Variants in SLC19A3 observed in about 807,000 individuals in gnomAD.
SLC19A3 encodes the protein thiamine transporter 2.
SLC19A3 carries 31 observed loss-of-function variants against 40.2 expected under a neutral mutation model. The observed-to-expected ratio is 0.77, with a 90% CI of 0.58 to 1.04. The LOEUF (loss-of-function observed/expected upper bound fraction) is 1.04. Among genes scored for constraint, SLC19A3 ranks in the 50% least tolerant of loss-of-function variants. The pLI, the probability that SLC19A3 is intolerant of heterozygous loss-of-function variation, is 0.00. For synonymous variants in SLC19A3, 212 were observed against 227.5 expected (o/e 0.93, Z 0.61); for missense variants, 592 against 596.7 (o/e 0.99, Z 0.08).
chr2:227,717,923 G>T lies in SLC19A3; in HGVS notation c.-3+20C>A. 1.0e-6 allele frequency: 1 copy of T among 985,290 alleles called. No individual in the cohort carries two copies. Among genetic ancestry groups the T allele is most frequent in the Non-Finnish European group, 1.2e-6 (1 of 829,890 alleles). The allele number at this position is 985,290 out of a possible 1,614,324, so 61.0% of individuals were successfully genotyped here. A position where few individuals can be genotyped will look rare whatever the true frequency, so the allele number is the denominator to read the frequency against. Reference sequence around the variant, plus strand: ...ATGACGGTGCTTCTTCAATTAATTCGCCCCCCGAGATATTCTTACCTACAG... The same window carrying T: ...ATGACGGTGCTTCTTCAATTAATTCTCCCCCCGAGATATTCTTACCTACAG... On this transcript the variant is annotated intron_variant, in intron 1 of 5. Transcript: ENST00000644224.
chr2:227,707,737 AT>A (rs1177865000), intron 1 of SLC19A3, among the ~76,000 whole-genome samples: 57 of 151,708 alleles, frequency 3.8e-4, no homozygotes, highest in African/African-American at 1.2e-3. Context: ...CTCAATCTCT[AT>A]TTTTTTTGAG....
chr2:227,693,044 G>GAC (rs1367391251), intron 4 of SLC19A3, among the ~76,000 whole-genome samples: 4 of 151,826 alleles, frequency 2.6e-5, no homozygotes, highest in Non-Finnish European at 2.9e-5. Context: ...AATTGAAGAG[G>GAC]ACACACACAC....
At position 227,686,199 on chromosome 2, in the gene SLC19A3, A is replaced by G. The variant is rs1195406225; in HGVS notation, c.*1198T>C. 2 of 427,846 alleles carry G rather than the reference A, an allele frequency of 4.7e-6. No homozygotes were observed. The highest frequency in any genetic ancestry group is 3.4e-5 in the South Asian group (2 of 59,352). The allele number at this position is 427,846 out of a possible 1,614,324, so 26.5% of individuals were successfully genotyped here. On this transcript the variant is annotated 3_prime_UTR_variant, in exon 6 of 6. Coordinates refer to ENST00000644224, the MANE Select transcript of SLC19A3 (RefSeq NM_025243.4). Reference sequence around the variant, plus strand: ...GTGAGAGAGCGAGACTGTCTCAAAAACCAAAACAAAACAAAATCAGGTGTT... The same window carrying G: ...GTGAGAGAGCGAGACTGTCTCAAAAGCCAAAACAAAACAAAATCAGGTGTT...
At chr2:227,698,191 C>T (rs961544309) in intron 3 of SLC19A3, among the ~76,000 whole-genome samples, 2 of 152,016 alleles carry the variant, frequency 1.3e-5, no homozygotes, top group East Asian at 1.9e-4. Flanking sequence ...AGAGGAGTCT[C>T]GCTCTGTCAT....
intron 4 of SLC19A3, among the ~76,000 whole-genome samples, chr2:227,690,389 G>C (rs1415833791): frequency 1.3e-5 from 2 of 152,030 alleles, no homozygotes; most frequent in East Asian, 3.9e-4. Context: ...ATGATAAAAG[G>C]GTCAATTCAG....
intron 5 of SLC19A3, 115 bp downstream of exon 5, chr2:227,688,051 A>G: frequency 9.0e-7 from 1 of 1,115,596 alleles, no homozygotes; most frequent in Non-Finnish European, 1.4e-6. Flanking sequence ...TAATGAAGGA[A>G]TTATGTATTT....
intron 1 of SLC19A3, chr2:227,706,446 G>A (rs936098361): frequency 2.4e-6 from 3 of 1,229,546 alleles, no homozygotes; most frequent in Middle Eastern, 3.1e-4. Context: ...TTTTTAAAAA[G>A]GTACAAGAAC....
chr2:227,699,205 A>T lies in SLC19A3; in HGVS notation c.510T>A (p.Phe170Leu). The T allele has an allele frequency of 6.2e-7, 1 of 1,614,154 alleles. No homozygotes were observed. The highest frequency in any genetic ancestry group is 1.1e-5 in the South Asian group (1 of 91,074). ...LLVSLANMSY[F>L]YLNVISLASV... is the part of the protein sequence containing the mutation. ...AGGCCAAGGATATGACGTTGAGGTA[A>T]AAGTACGACATGTTCGCCAGGGATA... is the stretch of plus-strand genomic sequence containing the variant. The change falls in exon 3 of 6, where the codon TTT becomes TTA. Residue 170 changes from phenylalanine (F) to leucine (L), a missense_variant. Transcript: ENST00000644224.
rs1217790528 is a variant in SLC19A3 at position 227,711,378 on chromosome 2, C to A, written c.-3+6565G>T. ...GAGGCTGCAGTAAGCCAAGATAGTG[C>A]CACTGCATTGTGGCCTGGGTGACAG... On this transcript the variant is annotated intron_variant, in intron 1 of 5. Transcript: ENST00000644224. 3.3e-5 allele frequency among the ~76,000 whole-genome samples: 5 copies of A among 150,972 alleles called. No homozygotes were observed. The East Asian group carries it at 9.8e-4, about 30-fold the overall frequency.
chr2:227,699,596 G>A, intron 2 of SLC19A3, 32 bp from the exon 3 acceptor site: 1 of 1,578,390 alleles, frequency 6.3e-7, no homozygotes, highest in Non-Finnish European at 8.7e-7. Context: ...TGACCACGAA[G>A]CACCGGTACT....
At chr2:227,714,670 T>A in intron 1 of SLC19A3, 1 of 741,492 alleles carries the variant, frequency 1.3e-6, no homozygotes, top group Non-Finnish European at 1.6e-6. Flanking sequence ...GGGCCCACCC[T>A]CTTCTGCAGC....
chr2:227,702,463 A>C, intron 1 of SLC19A3, 143 bp from the exon 2 acceptor site: 57 of 772,760 alleles, frequency 7.4e-5, no homozygotes, highest in Non-Finnish European at 1.0e-4. Context: ...GCATGATCTC[A>C]GCCCATTGCA....
chr2:227,708,539 C>T (rs1476686129), intron 1 of SLC19A3, among the ~76,000 whole-genome samples: 1 of 151,050 alleles, frequency 6.6e-6, no homozygotes, highest in Admixed American at 6.7e-5. Context: ...AGCCTGGCAA[C>T]ATAGTGAGAC....
intron 2 of SLC19A3, 87 bp downstream of exon 2, chr2:227,702,082 T>C (rs1046603994): frequency 1.0e-5 from 11 of 1,050,232 alleles, no homozygotes; most frequent in Non-Finnish European, 1.6e-5. Context: ...GTTCATCTTA[T>C]ATCAAGTTGA....
chr2:227,713,163 G>A (rs1412367528), intron 1 of SLC19A3, among the ~76,000 whole-genome samples: 7 of 152,108 alleles, frequency 4.6e-5, no homozygotes, highest in Non-Finnish European at 1.0e-4. Context: ...CCAGCACTTT[G>A]AGAGGCTGAG....
At chr2:227,716,993 CTTTTTTT>C (rs61164911) in intron 1 of SLC19A3, among the ~76,000 whole-genome samples, 1 of 67,140 alleles carries the variant, frequency 1.5e-5, no homozygotes, top group Non-Finnish European at 2.6e-5. Context: ...CATGAGAGTG[CTTTTTTT>C]TTTTTTTTTT....
intron 1 of SLC19A3, among the ~76,000 whole-genome samples, chr2:227,705,374 G>T (rs890101869): frequency 6.6e-6 from 1 of 150,956 alleles, no homozygotes; most frequent in African/African-American, 2.4e-5. Context: ...GCCAGGGCAG[G>T]ATGACTGCTT....
At chr2:227,710,654 C>CA (rs1477624933) in intron 1 of SLC19A3, among the ~76,000 whole-genome samples, 2 of 152,116 alleles carry the variant, frequency 1.3e-5, no homozygotes, top group Non-Finnish European at 2.9e-5. Flanking sequence ...CCTTCCCCCC[C>CA]AGTTTTTAGA....
intron 1 of SLC19A3, chr2:227,714,517 C>T (rs575925070): frequency 4.1e-6 from 4 of 985,444 alleles, no homozygotes; most frequent in African/African-American, 3.5e-5. Flanking sequence ...TCAGGTCCAA[C>T]TTCTGCTCCT....
Sources: allele counts gnomAD v4.1 joint callset (sites outside exome capture counted in the v4.1 genomes callset), GRCh38; gene constraint gnomAD v4.1.1; transcripts MANE v1.5; gene names NCBI Gene and HGNC (gene_info 2026-07-23, HGNC 2026-07-21).